Variants in SYN3 observed in about 807,000 individuals in gnomAD.
The protein encoded by SYN3 is synapsin-3.
Under a neutral mutation model 65.8 loss-of-function variants are expected in SYN3, and 35 were observed. That is an observed-to-expected ratio of 0.53 (90% CI 0.41 to 0.70). SYN3 has a LOEUF of 0.70. Among genes scored for constraint, SYN3 ranks in the 30% least tolerant of loss-of-function variants. The pLI is 0.00. For missense variants in SYN3, 680 were observed against 749.0 expected (o/e 0.91, Z 1.08); for synonymous variants, 270 against 292.9 (o/e 0.92, Z 0.80).
rs1190083415 is a variant in SYN3 at position 32,569,448 on chromosome 22, TTCTC to T, written c.774+27222_774+27225del. Reference sequence around the variant, plus strand: ...CTATCTATCTATCTATCTATCTATCTTCTCTATCTATCTAAAATCTATCAATTGA... The same window carrying T: ...CTATCTATCTATCTATCTATCTATCTTATCTATCTAAAATCTATCAATTGA... On this transcript the variant is annotated intron_variant, in intron 7 of 13. Transcript: ENST00000358763. 3.8e-3 allele frequency among the ~76,000 whole-genome samples: 551 copies of T among 146,016 alleles called. 3 individuals are homozygous for T. Among genetic ancestry groups the T allele is most frequent in the African/African-American group, 0.013 (482 of 38,152 alleles).
At chr22:32,534,483 G>C (rs762908) in intron 9 of SYN3, among the ~76,000 whole-genome samples, 1 of 151,970 alleles carries the variant, frequency 6.6e-6, no homozygotes, top group Admixed American at 6.5e-5. Flanking sequence ...TCGCCCAGGG[G>C]GCCTGGCCCT....
chr22:32,626,314 C>A (rs1033909748), intron 6 of SYN3, among the ~76,000 whole-genome samples: 3 of 152,142 alleles, frequency 2.0e-5, no homozygotes. Flanking sequence ...GCTGAGACTT[C>A]TGTACACCTC....
At chr22:32,832,074 G>C (rs1406593980) in intron 6 of SYN3, among the ~76,000 whole-genome samples, 1 of 152,148 alleles carries the variant, frequency 6.6e-6, no homozygotes, top group Non-Finnish European at 1.5e-5. Flanking sequence ...GGGTGATTAG[G>C]GGCCAACTCC....
intron 6 of SYN3, among the ~76,000 whole-genome samples, chr22:32,666,738 T>C (rs1284028057): frequency 6.6e-6 from 1 of 152,230 alleles, no homozygotes; most frequent in East Asian, 1.9e-4. Flanking sequence ...GACTTTATTT[T>C]CTGTTCATTG....
At chr22:33,055,393 T>A (rs528041482) in intron 1 of SYN3, among the ~76,000 whole-genome samples, 153 of 152,334 alleles carry the variant, frequency 1.0e-3, no homozygotes, top group Non-Finnish European at 1.9e-3. Context: ...GAATAAGCTG[T>A]TCTCTCTGCC....
intron 6 of SYN3, among the ~76,000 whole-genome samples, chr22:32,738,671 A>G (rs2061364076): frequency 6.6e-6 from 1 of 152,204 alleles, no homozygotes; most frequent in South Asian, 2.1e-4. Flanking sequence ...ATGAGTAGGA[A>G]TTTGCCAGCC....
intron 1 of SYN3, among the ~76,000 whole-genome samples, chr22:33,044,706 C>T (rs1002669128): frequency 2.6e-5 from 4 of 151,902 alleles, no homozygotes; most frequent in Non-Finnish European, 5.9e-5. Context: ...CTCCCCAGCT[C>T]CCCCTAGGGT....
intron 6 of SYN3, among the ~76,000 whole-genome samples, chr22:32,604,217 C>G (rs1269222033): frequency 6.6e-6 from 1 of 152,160 alleles, no homozygotes; most frequent in Non-Finnish European, 1.5e-5. Context: ...AAATCAAGAT[C>G]GAGAAGAATC....
chr22:32,587,271 G>A (rs979712028), intron 7 of SYN3, among the ~76,000 whole-genome samples: 4 of 150,706 alleles, frequency 2.7e-5, no homozygotes, highest in Admixed American at 6.6e-5. Context: ...AATAAAGGAG[G>A]CCAGTGGCCA....
At chr22:33,006,291 G>A in intron 2 of SYN3, 61 bp downstream of exon 2, 1 of 1,501,740 alleles carries the variant, frequency 6.7e-7, no homozygotes, top group Non-Finnish European at 9.0e-7. Flanking sequence ...CCCAGGAGAT[G>A]AGATAATCCC....
intron 4 of SYN3, chr22:32,931,189 T>C (rs1257639219): frequency 4.3e-5 from 22 of 507,440 alleles, no homozygotes; most frequent in Non-Finnish European, 6.1e-5. Flanking sequence ...CAGGGCTCAC[T>C]TGGGGACACC....
intron 1 of SYN3, among the ~76,000 whole-genome samples, chr22:33,028,783 G>A (rs1240630160): frequency 6.6e-6 from 1 of 152,044 alleles, no homozygotes; most frequent in Non-Finnish European, 1.5e-5. Context: ...GCTCACGCCT[G>A]TAATCCCAGC....
intron 6 of SYN3, among the ~76,000 whole-genome samples, chr22:32,778,296 ATT>A (rs66798314): frequency 1.1e-4 from 16 of 150,142 alleles, no homozygotes; most frequent in Admixed American, 2.0e-4. Context: ...GTAAGACTGC[ATT>A]TTTTTTTTTG....
Position 32,541,684 on chromosome 22 carries a change from C to T in SYN3, c.804G>A (p.Gln268=). 2 of 1,614,044 alleles carry T rather than the reference C, an allele frequency of 1.2e-6. No homozygotes were observed. The highest frequency in any genetic ancestry group is 1.7e-6 in the Non-Finnish European group (2 of 1,180,014). The change falls in exon 8 of 14, where the codon CAG becomes CAA. Residue 268 remains glutamine, a synonymous_variant. Transcript: ENST00000358763. ...CCATGGCGACCACGCTGGTGATGTC[C>T]TGGAAGTCAAGCTGGTTTTCCACTT... ...KIKVENQLDF[Q]DITSVVAMAK... is the part of the protein sequence containing the mutation.
intron 6 of SYN3, among the ~76,000 whole-genome samples, chr22:32,813,346 G>A (rs911270037): frequency 1.3e-5 from 2 of 152,272 alleles, no homozygotes; most frequent in South Asian, 2.1e-4. Flanking sequence ...GTGGTGAACC[G>A]TACAGTCCAG....
intron 6 of SYN3, among the ~76,000 whole-genome samples, chr22:32,703,653 AAGAG>A (rs1297823676): frequency 7.3e-5 from 11 of 151,408 alleles, no homozygotes; most frequent in Admixed American, 5.3e-4. Context: ...AAAAAAAAAA[AAGAG>A]AGAGAGAGTT....
At chr22:33,034,621 A>G (rs905084809) in intron 1 of SYN3, among the ~76,000 whole-genome samples, 6 of 152,098 alleles carry the variant, frequency 3.9e-5, no homozygotes, top group African/African-American at 2.4e-5. Context: ...ATAACTAAAT[A>G]ATAAGAACAA....
At chr22:32,718,192 C>T (rs533490491) in intron 6 of SYN3, among the ~76,000 whole-genome samples, 103 of 152,186 alleles carry the variant, frequency 6.8e-4, no homozygotes, top group Admixed American at 1.6e-3. Flanking sequence ...TGGAGGGGCC[C>T]AGGCTGGGGA....
At chr22:32,673,105 C>T (rs2060394178) in intron 6 of SYN3, among the ~76,000 whole-genome samples, 1 of 152,196 alleles carries the variant, frequency 6.6e-6, no homozygotes, top group African/African-American at 2.4e-5. Flanking sequence ...AATAACTCTT[C>T]CTTTCGCCTC....
Sources: gnomAD v4.1 joint callset for allele counts (sites outside exome capture counted in the v4.1 genomes callset) on GRCh38, gnomAD v4.1.1 for gene constraint, MANE v1.5 for transcripts, NCBI Gene and HGNC (gene_info 2026-07-23, HGNC 2026-07-21) for gene names.